The following COL17A1 variants were observed in gnomAD, a reference collection of about 807,000 sequenced individuals.
The protein encoded by COL17A1 is collagen type XVII alpha 1 chain, also known as collagen alpha-1(XVII) chain.
In COL17A1, 181 loss-of-function variants were observed where a neutral mutation model predicts 218.4. The observed-to-expected ratio is 0.83, with a 90% CI of 0.73 to 0.94. The LOEUF (loss-of-function observed/expected upper bound fraction) is 0.94, where lower values mean the gene tolerates loss of function less well. Ranked by LOEUF, COL17A1 falls within the 40% of genes least tolerant of loss-of-function variation. COL17A1 has a pLI of 0.00. For synonymous variants in COL17A1, 721 were observed against 731.0 expected (o/e 0.99, Z 0.22); for missense variants, 1,924 against 1,945.9 (o/e 0.99, Z 0.21).
At chr10:104,075,855 G>C (rs550245854) in intron 5 of COL17A1, among the ~76,000 whole-genome samples, 1 of 152,152 alleles carries the variant, frequency 6.6e-6, no homozygotes, top group African/African-American at 2.4e-5. Context: ...ACTCTTACTC[G>C]TCATGAGGAC....
At chr10:104,077,670 G>A in intron 3 of COL17A1, 144 bp from the exon 4 acceptor site, 2 of 715,260 alleles carry the variant, frequency 2.8e-6, no homozygotes, top group East Asian at 2.7e-5. Context: ...ATTATAAGAT[G>A]CAAGCTGCCA....
At chr10:104,065,082 C>T (rs1333934030) in intron 9 of COL17A1, among the ~76,000 whole-genome samples, 1 of 152,214 alleles carries the variant, frequency 6.6e-6, no homozygotes, top group Non-Finnish European at 1.5e-5. Flanking sequence ...TGGGGCCACA[C>T]TGCATGCCTG....
chr10:104,039,389 C>T (rs1253684570), intron 43 of COL17A1, 56 bp downstream of exon 43: 2 of 1,572,562 alleles, frequency 1.3e-6, no homozygotes, highest in Non-Finnish European at 1.7e-6. Context: ...GCTCTGGGCT[C>T]TGGGCACCAG....
intron 6 of COL17A1, among the ~76,000 whole-genome samples, chr10:104,073,772 C>T (rs1248806818): frequency 6.6e-6 from 1 of 152,156 alleles, no homozygotes; most frequent in Non-Finnish European, 1.5e-5. Context: ...GAAGCACACG[C>T]AGTTCCCTTG....
intron 1 of COL17A1, among the ~76,000 whole-genome samples, chr10:104,083,550 A>T (rs2086782682): frequency 6.6e-6 from 1 of 152,162 alleles, no homozygotes; most frequent in Admixed American, 6.5e-5. Context: ...TCTAGGCAAG[A>T]AGACACAATT....
intron 13 of COL17A1, 63 bp downstream of exon 13, chr10:104,061,342 T>G: frequency 6.8e-7 from 1 of 1,477,726 alleles, no homozygotes; most frequent in Non-Finnish European, 9.4e-7. Flanking sequence ...ACAGGCAGGA[T>G]TACTGCAGAG....
In COL17A1 at chr10:104,052,226, A is replaced by G; in HGVS notation, c.1940-9T>C. On this transcript the variant is annotated splice_polypyrimidine_tract_variant and intron_variant, in intron 23 of 55. Coordinates refer to ENST00000648076, the MANE Select transcript of COL17A1 (RefSeq NM_000494.4). The stretch of plus-strand genomic sequence containing the variant: ...TGGTTCACCAGCAGCCCCTGAGGAG[A>G]AATGGAGGGATGAGCACTTTGGGAG... The G allele has an allele frequency of 1.2e-6, 2 of 1,614,002 alleles. No homozygotes were observed. Among genetic ancestry groups the G allele is most frequent in the Non-Finnish European group, 1.7e-6 (2 of 1,179,974 alleles).
rs745599152 is a variant in COL17A1 at position 104,060,167 on chromosome 10, T to G, written c.1093A>C (p.Lys365Gln). Residue 365 changes from lysine (K) to glutamine (Q), a missense_variant, in exon 14 of 56, where the codon AAG (lysine) becomes CAG (glutamine). Physicochemically the swap from Lys to Gln is moderately conservative, Grantham distance 53. Coordinates refer to ENST00000648076, the MANE Select transcript of COL17A1 (RefSeq NM_000494.4). ...GCTGTAAAGACCTTCCCGCTGTCCT[T>G]GGTCATGATGAGCAGCTCCATCTCC... is the stretch of plus-strand genomic sequence containing the variant. ...KKEMELLIMT[K>Q]DSGKVFTASP... The G allele has an allele frequency of 6.2e-7, 1 of 1,614,142 alleles. No individual in the cohort carries two copies. The highest frequency in any genetic ancestry group is 8.5e-7 in the Non-Finnish European group (1 of 1,180,006).
intron 9 of COL17A1, among the ~76,000 whole-genome samples, chr10:104,065,947 A>G (rs966099996): frequency 2.0e-5 from 3 of 152,242 alleles, no homozygotes; most frequent in African/African-American, 7.2e-5. Flanking sequence ...TTAGGTCAGC[A>G]AACTACAGAA....
chr10:104,054,015 T>G, intron 21 of COL17A1, 33 bp from the exon 22 acceptor site: 1 of 1,612,796 alleles, frequency 6.2e-7, no homozygotes. Context: ...CAGCCCCTGT[T>G]TTCCTCCCAG....
intron 16 of COL17A1, among the ~76,000 whole-genome samples, chr10:104,057,551 T>C (rs2086542591): frequency 6.6e-6 from 1 of 150,394 alleles, no homozygotes; most frequent in Admixed American, 6.7e-5. Context: ...ATTTTGAATA[T>C]AGCATTGGTC....
chr10:104,060,040 A>G lies in COL17A1; in HGVS notation c.1141+79T>C, dbSNP rs1380279600. 14 of 1,604,762 alleles carry G rather than the reference A, an allele frequency of 8.7e-6. No individual in the cohort carries two copies. In the East Asian group the frequency reaches 3.1e-4, roughly 36 times the overall value. On this transcript the variant is annotated intron_variant, in intron 14 of 55. Coordinates refer to ENST00000648076, the MANE Select transcript of COL17A1 (RefSeq NM_000494.4). ...TGGTTTCATGACTCATAGGGTCCCA[A>G]ACCACCTTGCTAGGACATTTGGTCT... is the stretch of plus-strand genomic sequence containing the variant.
chr10:104,046,922 C>G, intron 31 of COL17A1, 149 bp from the exon 32 acceptor site: 1 of 752,968 alleles, frequency 1.3e-6, no homozygotes. Flanking sequence ...AGCCAGCATC[C>G]TTGGACCTCT....
chr10:104,064,390 C>T (rs373657229), intron 10 of COL17A1, 48 bp downstream of exon 10: 27 of 1,612,874 alleles, frequency 1.7e-5, no homozygotes, highest in Admixed American at 3.3e-5. Context: ...AGGATAGAGG[C>T]ATGCCGAGTT....
chr10:104,079,665 C>T (rs1327614153), intron 2 of COL17A1, among the ~76,000 whole-genome samples: 1 of 152,240 alleles, frequency 6.6e-6, no homozygotes, highest in Non-Finnish European at 1.5e-5. Context: ...CAGTGGCTCA[C>T]GCCTGTAATC....
At chr10:104,079,528 C>T (rs2086744886) in intron 2 of COL17A1, among the ~76,000 whole-genome samples, 1 of 152,222 alleles carries the variant, frequency 6.6e-6, no homozygotes, top group Non-Finnish European at 1.5e-5. Context: ...TCCCACATGA[C>T]TCTCATTCAC....
chr10:104,071,536 G>T (rs2086669289), intron 8 of COL17A1, among the ~76,000 whole-genome samples: 2 of 152,304 alleles, frequency 1.3e-5, no homozygotes, highest in Middle Eastern at 3.4e-3. Context: ...TTGAAATAAA[G>T]TTCAAATTCT....
At position 104,035,559 on chromosome 10, in the gene COL17A1, A is replaced by G; in HGVS notation, c.3423T>C (p.Ser1141=). The change falls in exon 49 of 56, where the codon TCT becomes TCC. Residue 1141 remains serine (S), a synonymous_variant. Coordinates refer to ENST00000648076, the MANE Select transcript of COL17A1 (RefSeq NM_000494.4). ...SSRILSYMSS[S]GISIGLPGPP... Reference sequence around the variant, plus strand: ...GACCAGGAAGCCCAATGCTGATCCCAGAACCTAGGGAGGTGATGGATTCAG... The same window carrying G: ...GACCAGGAAGCCCAATGCTGATCCCGGAACCTAGGGAGGTGATGGATTCAG... 6.2e-7 allele frequency: 1 copy of G among 1,613,144 alleles called. No individual in the cohort carries two copies. Among genetic ancestry groups the G allele is most frequent in the African/African-American group, 1.3e-5 (1 of 75,062 alleles).
rs2134620848 is a variant in COL17A1, at chr10:104,057,091, C to T, written c.1349G>A (p.Gly450Glu). The T allele has an allele frequency of 6.2e-7, 1 of 1,612,080 alleles. No homozygotes were observed. Among genetic ancestry groups the T allele is most frequent in the Non-Finnish European group, 8.5e-7 (1 of 1,178,750 alleles). ...GCAGGGGCACCAGGCTGGCGCTGGT[C>T]CCCAAGGGCCGCCGCCAGCGCCACC... ...GVGGAGGGPW[G>E]PAPAWCPCGS... Residue 450 changes from glycine to glutamate, a missense_variant, in exon 17 of 56, where the codon GGA (glycine) becomes GAA (glutamate). By Grantham distance (98) the Gly-to-Glu change is moderately conservative (BLOSUM62 -2). Coordinates refer to ENST00000648076, the MANE Select transcript of COL17A1 (RefSeq NM_000494.4).
Sources: gnomAD v4.1 joint callset for allele counts (sites outside exome capture counted in the v4.1 genomes callset) on GRCh38, gnomAD v4.1.1 for gene constraint, MANE v1.5 for transcripts, NCBI Gene and HGNC (gene_info 2026-07-23, HGNC 2026-07-21) for gene names.